PRDM15: variants seen among roughly 807,000 people sequenced by gnomAD.
The protein encoded by PRDM15 is PR domain zinc finger protein 15.
PRDM15 carries 64 observed loss-of-function variants against 128.6 expected under a neutral mutation model. That is an observed-to-expected ratio of 0.50 (90% CI 0.41 to 0.61). The LOEUF is 0.61. Ranked by LOEUF, PRDM15 falls within the 20% of genes least tolerant of loss-of-function variation. The probability of loss-of-function intolerance (pLI) is 0.00; values close to 1 mark genes in which losing one functional copy is unlikely to be tolerated. For synonymous variants in PRDM15, 615 were observed against 621.8 expected (o/e 0.99, Z 0.16); for missense variants, 1,242 against 1,569.1 (o/e 0.79, Z 3.52).
At chr21:41,829,517 C>G (rs1393843931) in intron 11 of PRDM15, among the ~76,000 whole-genome samples, 2 of 151,652 alleles carry the variant, frequency 1.3e-5, no homozygotes, top group African/African-American at 4.9e-5. Context: ...ACATCACACA[C>G]ATATAATCAC....
At chr21:41,861,017 C>T (rs1037759435) in intron 1 of PRDM15, among the ~76,000 whole-genome samples, 1 of 152,086 alleles carries the variant, frequency 6.6e-6, no homozygotes, top group Admixed American at 6.5e-5. Flanking sequence ...GTCGCCCAGG[C>T]TGGAGTGCAG....
rs2062901194 is a variant in PRDM15 at position 41,836,536 on chromosome 21, T to C, written c.1115A>G (p.Tyr372Cys). Residue 372 changes from tyrosine (Y) to cysteine (C), a missense_variant, in exon 9 of 24, where the codon TAC (tyrosine) becomes TGC (cysteine). By Grantham distance (194) the Tyr-to-Cys change is radical. Transcript: ENST00000398548. ...IKQLGEHKRVYQCNICSKIFQ... is the reference protein window; with the variant it reads ...IKQLGEHKRVCQCNICSKIFQ... The stretch of plus-strand genomic sequence containing the variant: ...GATCTTGCTGCAGATATTGCACTGG[T>C]AAACCCGCTTGTGCTCCCCGAGCTG... The C allele has an allele frequency of 6.2e-7, 1 of 1,612,746 alleles. No homozygotes were observed. The highest frequency in any genetic ancestry group is 1.3e-5 in the African/African-American group (1 of 74,766).
Position 41,854,856 on chromosome 21 carries a change from G to A in PRDM15, c.286-38C>T. On this transcript the variant is annotated intron_variant, in intron 4 of 23. Coordinates refer to ENST00000398548, the MANE Select transcript of PRDM15 (RefSeq NM_001040424.3). This position sits in a 1 kb window ranked among gnomAD's most constrained non-coding sequence, Gnocchi z 4.6. ...CGGCCCATGGAGAAGCCGGGGAAAT[G>A]GCTGATTACCCATCTGTGTATCAGC... 6.4e-7 allele frequency: 1 copy of A among 1,573,046 alleles called. No homozygotes were observed. Among genetic ancestry groups the A allele is most frequent in the Non-Finnish European group, 8.6e-7 (1 of 1,156,734 alleles).
chr21:41,806,286 T>C (rs370715166), intron 21 of PRDM15, among the ~76,000 whole-genome samples: 11 of 2,446 alleles, frequency 4.5e-3, no homozygotes, highest in Admixed American at 5.1e-3. Flanking sequence ...ACCACCACCA[T>C]CACCATCACC....
At chr21:41,861,404 C>T (rs920758816) in intron 1 of PRDM15, among the ~76,000 whole-genome samples, 3 of 152,166 alleles carry the variant, frequency 2.0e-5, no homozygotes, top group Non-Finnish European at 2.9e-5. Context: ...TGGATCTAGA[C>T]ATTGTTCATT....
chr21:41,819,595 G>T lies in PRDM15; in HGVS notation c.2247C>A (p.Ala749=). 1 of 1,612,350 alleles carries T rather than the reference G, an allele frequency of 6.2e-7. No individual in the cohort carries two copies. Among genetic ancestry groups the T allele is most frequent in the Non-Finnish European group, 8.5e-7 (1 of 1,179,604 alleles). Residue 749 remains alanine (A), a synonymous_variant, in exon 18 of 24, where the codon GCC becomes GCA. Coordinates refer to ENST00000398548, the MANE Select transcript of PRDM15 (RefSeq NM_001040424.3). ...ACCCGTACCCACCTTTCCCACACTC[G>T]GCACACAGGTACTCGCGGACATTGT... ...VHDNVREYLC[A]ECGKGMKTKH...
At chr21:41,861,795 G>A (rs1349138769) in intron 1 of PRDM15, 2 of 1,600,714 alleles carry the variant, frequency 1.2e-6, no homozygotes, top group Admixed American at 1.7e-5. Context: ...AGGAGAGTGA[G>A]TTAGCTACAA....
At position 41,801,094 on chromosome 21, in the gene PRDM15, C is replaced by T. The variant is rs1315971894; in HGVS notation, c.*146G>A. 11 of 1,175,544 alleles carry T rather than the reference C, an allele frequency of 9.4e-6. No homozygotes were observed. Among genetic ancestry groups the T allele is most frequent in the South Asian group, 1.7e-5 (1 of 60,116 alleles). 72.8% of individuals were successfully genotyped at this position (1,175,544 alleles called of 1,614,324 possible). A position where few individuals can be genotyped will look rare whatever the true frequency, so the allele number is the denominator to read the frequency against. Reference sequence around the variant, plus strand: ...GCTGACAGACCGTAATGGTTGCTGGCGGGGGATCTGGAGATACTCTGCAAA... The same window carrying T: ...GCTGACAGACCGTAATGGTTGCTGGTGGGGGATCTGGAGATACTCTGCAAA... On this transcript the variant is annotated 3_prime_UTR_variant, in exon 24 of 24. Coordinates refer to ENST00000398548, the MANE Select transcript of PRDM15 (RefSeq NM_001040424.3).
intron 10 of PRDM15, among the ~76,000 whole-genome samples, 170 bp downstream of exon 10, chr21:41,835,943 G>GA (rs2062867095): frequency 1.4e-4 from 14 of 96,906 alleles, no homozygotes; most frequent in South Asian, 6.7e-4. Flanking sequence ...GGGTTTGGCC[G>GA]CTCTCCTCCC....
chr21:41,818,437 G>A (rs116869822), intron 18 of PRDM15, among the ~76,000 whole-genome samples: 3 of 145,582 alleles, frequency 2.1e-5, no homozygotes, highest in Non-Finnish European at 4.6e-5. Context: ...AATATGTCTT[G>A]GCGAGGTGCA....
intron 1 of PRDM15, among the ~76,000 whole-genome samples, chr21:41,878,152 C>T (rs1221320173): frequency 1.3e-5 from 2 of 152,274 alleles, no homozygotes; most frequent in Non-Finnish European, 2.9e-5. Flanking sequence ...GGCTCCTTCA[C>T]ATGTCACCAC....
intron 1 of PRDM15, among the ~76,000 whole-genome samples, chr21:41,867,918 G>C (rs2064069918): frequency 6.6e-6 from 1 of 152,016 alleles, no homozygotes; most frequent in African/African-American, 2.4e-5. Flanking sequence ...TTAGCCAGGT[G>C]TGGTGGTGGG....
intron 1 of PRDM15, among the ~76,000 whole-genome samples, chr21:41,864,117 C>T (rs531384492): frequency 6.6e-6 from 1 of 152,300 alleles, no homozygotes; most frequent in African/African-American, 2.4e-5. Flanking sequence ...GCTGGGATTA[C>T]AGGTGTCAGC....
Position 41,828,641 on chromosome 21 carries a change from C to T in PRDM15, c.1367-308G>A, listed in dbSNP as rs1451260191. Among the ~76,000 whole-genome samples, 1 of 151,946 alleles carries T rather than the reference C, an allele frequency of 6.6e-6. No homozygotes were observed. The highest frequency in any genetic ancestry group is 2.4e-5 in the African/African-American group (1 of 41,338). ...CACCTGGGGACGATGACTCCACTTC[C>T]GTCAGGAAAGCTGCCCAGTCCAAAG... On this transcript the variant is annotated intron_variant, in intron 11 of 23. Coordinates refer to ENST00000398548, the MANE Select transcript of PRDM15 (RefSeq NM_001040424.3). The surrounding 1 kb of genome is among the most constrained non-coding windows in gnomAD (Gnocchi z 5.7).
At chr21:41,824,878 C>T (rs1030986698) in intron 13 of PRDM15, among the ~76,000 whole-genome samples, 107 of 152,338 alleles carry the variant, frequency 7.0e-4, no homozygotes, top group Middle Eastern at 3.4e-3. Flanking sequence ...GTCAAAAGCT[C>T]GGTGATGGTG....
chr21:41,808,907 G>A (rs9978034), intron 21 of PRDM15, among the ~76,000 whole-genome samples: 36,269 of 152,190 alleles, frequency 0.24, 4,608 homozygotes, highest in South Asian at 0.4. Context: ...CTCGAGAAAT[G>A]CTGTGATGCT....
chr21:41,835,965 C>CCTCG, intron 10 of PRDM15, 148 bp downstream of exon 10: 1 of 275,776 alleles, frequency 3.6e-6, no homozygotes, highest in Non-Finnish European at 7.4e-6. Flanking sequence ...CCCCCACAGC[C>CCTCG]CCCGCCCACT....
At position 41,801,485 on chromosome 21, in the gene PRDM15, C is replaced by T. The variant is rs777355181; in HGVS notation, c.3181G>A (p.Val1061Ile). The stretch of plus-strand genomic sequence containing the variant: ...GCTTCCGGCTGGGGGTGGATCTGGA[C>T]GTCATTTTGGCGGTTGTGCAACATG... ...SAMLHNRQND[V>I]QIHPQPEASN... is the part of the protein sequence containing the mutation. The change falls in exon 24 of 24, where the codon GTC (valine) becomes ATC (isoleucine). Residue 1061 changes from valine (V) to isoleucine (I), a missense_variant. Physicochemically the swap from Val to Ile is conservative, Grantham distance 29. This residue lies in a region of PRDM15 where 602 missense variants were observed against 788.3 expected (regional missense o/e 0.76). Coordinates refer to ENST00000398548, the MANE Select transcript of PRDM15 (RefSeq NM_001040424.3). 1.1e-5 allele frequency: 18 copies of T among 1,614,016 alleles called. No homozygotes were observed. Among genetic ancestry groups the T allele is most frequent in the South Asian group, 5.5e-5 (5 of 91,076 alleles).
chr21:41,823,837 C>A (rs185376441), intron 13 of PRDM15, among the ~76,000 whole-genome samples: 1 of 152,194 alleles, frequency 6.6e-6, no homozygotes, highest in Non-Finnish European at 1.5e-5. Context: ...CTAGTTACCC[C>A]CTTGGCTTTT....
Sources: gnomAD v4.1 joint callset for allele counts (sites outside exome capture counted in the v4.1 genomes callset) on GRCh38, gnomAD v4.1.1 for gene constraint, gnomAD v4.1.1 regional missense constraint, Gnocchi (gnomAD v3.1) non-coding constraint, MANE v1.5 for transcripts, NCBI Gene and HGNC (gene_info 2026-07-23, HGNC 2026-07-21) for gene names.